Variants in TNIK observed in about 807,000 individuals in gnomAD.
TNIK encodes TRAF2 and NCK interacting kinase.
TNIK carries 49 observed loss-of-function variants against 191.3 expected under a neutral mutation model. The ratio of observed to expected loss-of-function variants is 0.26; its 90% CI spans 0.20 to 0.32. The LOEUF (loss-of-function observed/expected upper bound fraction) is 0.32. TNIK is among the 10% of genes least tolerant of loss of function. The probability of loss-of-function intolerance (pLI) is 1.00; values close to 1 mark genes in which losing one functional copy is unlikely to be tolerated. For missense variants in TNIK, 1,155 were observed against 1,702.3 expected (o/e 0.68, Z 5.66); for synonymous variants, 594 against 600.9 (o/e 0.99, Z 0.17).
At chr3:171,176,480 A>G (rs542610610) in intron 8 of TNIK, among the ~76,000 whole-genome samples, 1 of 152,368 alleles carries the variant, frequency 6.6e-6, no homozygotes, top group Admixed American at 6.5e-5. Context: ...GGAGCCAGGC[A>G]GTATGGGAAG....
intron 2 of TNIK, among the ~76,000 whole-genome samples, chr3:171,358,966 G>T (rs1577623203): frequency 6.6e-6 from 1 of 152,148 alleles, no homozygotes; most frequent in Admixed American, 6.6e-5. Context: ...GGATAGTAGG[G>T]TATGGGGAGT....
chr3:171,102,117 T>C (rs2108455016), intron 21 of TNIK: 1 of 152,524 alleles, frequency 6.6e-6, no homozygotes, highest in East Asian at 1.9e-4. Context: ...ACTCCCAAGG[T>C]TCCAGCTACT....
At chr3:171,139,055 CT>C in intron 14 of TNIK, among the ~76,000 whole-genome samples, 1 of 152,258 alleles carries the variant, frequency 6.6e-6, no homozygotes, top group Non-Finnish European at 1.5e-5. Flanking sequence ...TGAAATATGA[CT>C]GTAGAGCTGA....
In TNIK at chr3:171,110,721, T is replaced by C. The variant is rs1212433842; in HGVS notation, c.2277A>G (p.Arg759=). The C allele has an allele frequency of 6.3e-7, 1 of 1,593,350 alleles. No homozygotes were observed. The highest frequency in any genetic ancestry group is 8.6e-7 in the Non-Finnish European group (1 of 1,169,584). The part of the protein sequence containing the change: ...GSQAGSSERT[R]VRANSKSEGS... ...GGTAAGAGAAAGTTTTACCTCGAAC[T>C]CTGGTGCGTTCACTGGATCCTGCTT... Residue 759 remains arginine (R), a synonymous_variant, in exon 19 of 33, where the codon AGA becomes AGG. Transcript: ENST00000436636.
intron 22 of TNIK, among the ~76,000 whole-genome samples, chr3:171,096,973 T>TGTTAA (rs1722813061): frequency 6.6e-6 from 1 of 152,238 alleles, no homozygotes; most frequent in African/African-American, 2.4e-5. Flanking sequence ...GAGCAATCAA[T>TGTTAA]GTTAAGTTTT....
Position 171,079,011 on chromosome 3 carries a change from A to G in TNIK, c.3448+507T>C, listed in dbSNP as rs901864095. On this transcript the variant is annotated intron_variant, in intron 28 of 32. Transcript: ENST00000436636. ...CTTGCTGCTCATGAATTTTCTAACA[A>G]TTCTATTTTCAGTCCCACCTTACAC... Among the ~76,000 whole-genome samples the G allele has an allele frequency of 3.3e-5, 5 of 152,098 alleles. No homozygotes were observed. The East Asian group carries it at 5.8e-4, about 18-fold the overall frequency.
intron 1 of TNIK, among the ~76,000 whole-genome samples, chr3:171,442,979 A>G (rs552378243): frequency 6.6e-6 from 1 of 152,356 alleles, no homozygotes; most frequent in South Asian, 2.1e-4. Context: ...CAGAGAGAAT[A>G]TACATATTGT....
chr3:171,400,245 T>C (rs1025694445), intron 1 of TNIK, among the ~76,000 whole-genome samples: 1 of 152,146 alleles, frequency 6.6e-6, no homozygotes, highest in Non-Finnish European at 1.5e-5. Context: ...AAATTTCCCC[T>C]GGTGTTCTCA....
chr3:171,204,787 AC>A (rs1266745915), intron 4 of TNIK, among the ~76,000 whole-genome samples: 1 of 152,228 alleles, frequency 6.6e-6, no homozygotes, highest in Non-Finnish European at 1.5e-5. Context: ...CCTATTTAGA[AC>A]ATCAGCTTCT....
intron 1 of TNIK, among the ~76,000 whole-genome samples, chr3:171,458,253 A>C (rs1266027860): frequency 2.7e-5 from 4 of 149,146 alleles, no homozygotes; most frequent in Admixed American, 2.7e-4. Context: ...CGTAGAAAGT[A>C]GGGCAAATGA....
intron 10 of TNIK, among the ~76,000 whole-genome samples, chr3:171,166,353 T>C (rs1190951718): frequency 2.0e-5 from 3 of 152,224 alleles, no homozygotes; most frequent in South Asian, 2.1e-4. Context: ...CTCACCTCAA[T>C]GTTCCCTAAT....
rs990600930 is a variant in TNIK, at chr3:171,061,713, G to C, written c.*2168C>G. On this transcript the variant is annotated 3_prime_UTR_variant, in exon 33 of 33. Coordinates refer to ENST00000436636, the MANE Select transcript of TNIK (RefSeq NM_015028.4). ...AAGAGCTGGTGGCAATCACATTCGGGAGTGAAATCGAAATCAATATATTTT... is the reference window on the plus strand; with the variant it reads ...AAGAGCTGGTGGCAATCACATTCGGCAGTGAAATCGAAATCAATATATTTT... The C allele has an allele frequency of 6.6e-6, 1 of 152,170 alleles. No individual in the cohort carries two copies. The highest frequency in any genetic ancestry group is 2.4e-5 in the African/African-American group (1 of 41,448). The allele number at this position is 152,170 out of a possible 1,614,324, so 9.4% of individuals were successfully genotyped here. A position where few individuals can be genotyped will look rare whatever the true frequency, so the allele number is the denominator to read the frequency against.
chr3:171,202,964 C>T (rs996447029), intron 4 of TNIK, among the ~76,000 whole-genome samples: 5 of 152,178 alleles, frequency 3.3e-5, no homozygotes, highest in African/African-American at 7.2e-5. Flanking sequence ...GAGCTGTTTA[C>T]TTATAAAAGT....
At position 171,146,760 on chromosome 3, in the gene TNIK, C is replaced by CG. The variant is rs200677421; in HGVS notation, c.1222-6252dup. On this transcript the variant is annotated intron_variant, in intron 12 of 32. Coordinates refer to ENST00000436636, the MANE Select transcript of TNIK (RefSeq NM_015028.4). The stretch of plus-strand genomic sequence containing the variant: ...CAAAAATTAGCTGGGTGTGATGGTG[C>CG]GTGCCTCTAATCCCAGCTACTCAGG... Among the ~76,000 whole-genome samples, 403 of 151,972 alleles carry CG rather than the reference C, an allele frequency of 2.7e-3. 4 individuals carry two copies. In the East Asian group the frequency reaches 0.031, roughly 12 times the overall value.
intron 2 of TNIK, among the ~76,000 whole-genome samples, chr3:171,354,204 A>G (rs1201794426): frequency 6.6e-6 from 1 of 152,178 alleles, no homozygotes; most frequent in Non-Finnish European, 1.5e-5. Context: ...TGTTTTAAAA[A>G]ACTAATTTTC....
intron 7 of TNIK, among the ~76,000 whole-genome samples, chr3:171,187,605 A>C (rs965350716): frequency 7.9e-5 from 12 of 152,180 alleles, no homozygotes; most frequent in African/African-American, 2.7e-4. Context: ...CAATTGATAA[A>C]TTGGAGATTT....
chr3:171,316,302 G>A (rs539433825), intron 2 of TNIK, among the ~76,000 whole-genome samples: 10 of 152,230 alleles, frequency 6.6e-5, no homozygotes, highest in South Asian at 4.1e-4. Flanking sequence ...GCAGAAATGA[G>A]AAAAGCCTAT....
chr3:171,342,797 T>C (rs897614658), intron 2 of TNIK, among the ~76,000 whole-genome samples: 5 of 152,208 alleles, frequency 3.3e-5, no homozygotes, highest in African/African-American at 1.2e-4. Flanking sequence ...CCAAATCTCA[T>C]ATTGAATTGT....
intron 3 of TNIK, among the ~76,000 whole-genome samples, chr3:171,218,863 T>TATAA (rs1391304211): frequency 1.4e-4 from 19 of 133,780 alleles, no homozygotes; most frequent in African/African-American, 5.4e-4. Flanking sequence ...ATATATTTAA[T>TATAA]ATAAATATAT....
Sources: allele counts gnomAD v4.1 joint callset (sites outside exome capture counted in the v4.1 genomes callset), GRCh38; gene constraint gnomAD v4.1.1; transcripts MANE v1.5; gene names NCBI Gene and HGNC (gene_info 2026-07-23, HGNC 2026-07-21).